The following SSU72 variants were observed in gnomAD, a reference collection of about 807,000 sequenced individuals.
SSU72 encodes the protein RNA polymerase II subunit A C-terminal domain phosphatase SSU72.
Under a neutral mutation model 22.7 loss-of-function variants are expected in SSU72, and 12 were observed. That is an observed-to-expected ratio of 0.53 (90% CI 0.34 to 0.86). SSU72 has a LOEUF of 0.86. Ranked by LOEUF, SSU72 falls within the 40% of genes least tolerant of loss-of-function variation. The probability of loss-of-function intolerance (pLI) is 0.02; values close to 1 mark genes in which losing one functional copy is unlikely to be tolerated. For missense variants in SSU72, 151 were observed against 249.8 expected (o/e 0.60, Z 2.67); for synonymous variants, 116 against 98.3 (o/e 1.18, Z -1.06).
chr1:1,547,528 A>G (rs1642404386), intron 2 of SSU72, among the ~76,000 whole-genome samples: 1 of 152,242 alleles, frequency 6.6e-6, no homozygotes, highest in Admixed American at 6.5e-5. Context: ...TGCAAGCCCC[A>G]CCAGAGGCTG....
intron 2 of SSU72, among the ~76,000 whole-genome samples, chr1:1,557,291 T>A (rs893113312): frequency 3.3e-5 from 5 of 152,102 alleles, no homozygotes; most frequent in African/African-American, 1.2e-4. Flanking sequence ...TGCATGCCTA[T>A]AATCCCAGCT....
chr1:1,548,947 T>C (rs1334493634), intron 2 of SSU72, among the ~76,000 whole-genome samples: 4 of 152,200 alleles, frequency 2.6e-5, no homozygotes, highest in African/African-American at 9.6e-5. Context: ...TGTGGCTGCA[T>C]GGCCTCCTGA....
intron 2 of SSU72, 28 bp from the exon 3 acceptor site, chr1:1,545,030 A>C (rs539819001): frequency 1.2e-6 from 2 of 1,607,546 alleles, no homozygotes; most frequent in Non-Finnish European, 1.7e-6. Context: ...GGAACGTCAG[A>C]GAAAAGGCAT....
intron 1 of SSU72, among the ~76,000 whole-genome samples, chr1:1,566,475 A>C (rs1379697124): frequency 6.6e-6 from 1 of 152,236 alleles, no homozygotes; most frequent in Non-Finnish European, 1.5e-5. Flanking sequence ...CAGGCCTGTC[A>C]TTCTTGTTCA....
intron 2 of SSU72, among the ~76,000 whole-genome samples, chr1:1,553,036 A>T (rs911313575): frequency 3.1e-4 from 47 of 152,206 alleles, no homozygotes; most frequent in African/African-American, 1.1e-3. Context: ...AAAAAAAAAA[A>T]AAATTACTTT....
chr1:1,554,310 G>T lies in SSU72; in HGVS notation c.225-9308C>A, dbSNP rs1045810041. Among the ~76,000 whole-genome samples the T allele has an allele frequency of 1.3e-5, 2 of 150,496 alleles. No homozygotes were observed. Among genetic ancestry groups the T allele is most frequent in the Non-Finnish European group, 3.0e-5 (2 of 67,624 alleles). On this transcript the variant is annotated intron_variant, in intron 2 of 4. Coordinates refer to ENST00000291386, the MANE Select transcript of SSU72 (RefSeq NM_014188.3). The surrounding 1 kb of genome is among the most constrained non-coding windows in gnomAD (Gnocchi z 4.1). ...CGAGACGGATCCGGACCACTCGGGG[G>T]TCCCCACGAAGCTGAGCATGAGGCG... is the stretch of plus-strand genomic sequence containing the variant.
At chr1:1,559,977 G>A (rs996308524) in intron 2 of SSU72, among the ~76,000 whole-genome samples, 5 of 152,004 alleles carry the variant, frequency 3.3e-5, no homozygotes, top group African/African-American at 9.7e-5. Context: ...CGCCCACCTC[G>A]GCCTCCCAAA....
intron 1 of SSU72, among the ~76,000 whole-genome samples, chr1:1,570,568 AC>A (rs70949597): frequency 0.21 from 31,560 of 150,842 alleles, 4,254 homozygotes; most frequent in East Asian, 0.49. Flanking sequence ...CTCTGCAGGG[AC>A]CCCCCCCACC....
chr1:1,542,294 C>A lies in SSU72; in HGVS notation c.484-127G>T. 1.2e-6 allele frequency: 1 copy of A among 844,432 alleles called. No homozygotes were observed. The highest frequency in any genetic ancestry group is 1.8e-6 in the Non-Finnish European group (1 of 540,850). The allele number at this position is 844,432 out of a possible 1,614,324, so 52.3% of individuals were successfully genotyped here. ...ACCAGCGCAGCAGGCAGGCCCTCAC[C>A]CCACCGCTGCTGCCTCACAAGGACG... On this transcript the variant is annotated intron_variant, in intron 4 of 4. Coordinates refer to ENST00000291386, the MANE Select transcript of SSU72 (RefSeq NM_014188.3). This position sits in a 1 kb window ranked among gnomAD's most constrained non-coding sequence, Gnocchi z 4.4.
intron 1 of SSU72, among the ~76,000 whole-genome samples, chr1:1,573,343 T>C (rs1344887397): frequency 1.4e-5 from 2 of 146,152 alleles, no homozygotes; most frequent in African/African-American, 2.5e-5. Context: ...GGCAGGAGAA[T>C]AGCTCGATCT....
intron 3 of SSU72, 31 bp from the exon 4 acceptor site, chr1:1,544,018 A>T: frequency 6.4e-7 from 1 of 1,565,376 alleles, no homozygotes; most frequent in Non-Finnish European, 8.8e-7. Flanking sequence ...CAGACGTCAG[A>T]GGCTCCAAAA....
intron 2 of SSU72, 52 bp from the exon 3 acceptor site, chr1:1,545,054 C>G: frequency 6.3e-7 from 1 of 1,582,566 alleles, no homozygotes; most frequent in Non-Finnish European, 8.6e-7. Context: ...TGTATGAAGC[C>G]TGGAAGCGCC....
intron 1 of SSU72, among the ~76,000 whole-genome samples, chr1:1,567,980 G>C (rs1338104303): frequency 6.7e-6 from 1 of 150,100 alleles, no homozygotes; most frequent in Admixed American, 6.7e-5. Flanking sequence ...AAAGGAGACA[G>C]CCTGCCTCCC....
intron 1 of SSU72, among the ~76,000 whole-genome samples, chr1:1,571,018 G>A (rs570336543): frequency 3.9e-5 from 6 of 151,988 alleles, no homozygotes; most frequent in Admixed American, 6.6e-5. Flanking sequence ...AGGCCGAGGC[G>A]GGCGGATCAC....
intron 1 of SSU72, among the ~76,000 whole-genome samples, chr1:1,572,974 T>C (rs1642751718): frequency 6.6e-6 from 1 of 151,808 alleles, no homozygotes; most frequent in Non-Finnish European, 1.5e-5. Context: ...ACAATGTAAT[T>C]CTAGCACATT....
intron 2 of SSU72, chr1:1,563,688 C>T (rs1642623584): frequency 6.6e-6 from 1 of 152,158 alleles, no homozygotes; most frequent in Non-Finnish European, 1.5e-5. Flanking sequence ...CCTGTGACTA[C>T]TAAAAATACA....
chr1:1,565,520 G>A (rs571008048), intron 1 of SSU72, among the ~76,000 whole-genome samples: 17 of 152,094 alleles, frequency 1.1e-4, no homozygotes, highest in Non-Finnish European at 2.5e-4. Context: ...CCAACGTCCT[G>A]GCTTTGGAGG....
At chr1:1,568,970 G>A (rs1204476677) in intron 1 of SSU72, among the ~76,000 whole-genome samples, 1 of 152,136 alleles carries the variant, frequency 6.6e-6, no homozygotes, top group Non-Finnish European at 1.5e-5. Flanking sequence ...TCAGGAGGTT[G>A]AGACCAGCCT....
At chr1:1,543,711 GCCTCGGCCACTCCCCTGT>G (rs1257918047) in intron 4 of SSU72, 140 bp downstream of exon 4, 5 of 433,060 alleles carry the variant, frequency 1.2e-5, no homozygotes, top group Non-Finnish European at 1.9e-5. Flanking sequence ...CACTGTCACG[GCCTCGGCCACTCCCCTGT>G]CACGGCCTCG....
Sources: allele counts gnomAD v4.1 joint callset (sites outside exome capture counted in the v4.1 genomes callset), GRCh38; gene constraint gnomAD v4.1.1; non-coding constraint Gnocchi (gnomAD v3.1); transcripts MANE v1.5; gene names NCBI Gene and HGNC (gene_info 2026-07-23, HGNC 2026-07-21).